The following AKT3 variants were observed in gnomAD, a reference collection of about 807,000 sequenced individuals.
The protein encoded by AKT3 is AKT serine/threonine kinase 3.
AKT3 carries 15 observed loss-of-function variants against 65.3 expected under a neutral mutation model. The observed-to-expected ratio is 0.23, with a 90% CI of 0.15 to 0.35. AKT3 has a LOEUF of 0.35. AKT3 is among the 10% of genes least tolerant of loss of function. The pLI is 1.00. For missense variants in AKT3, 243 were observed against 576.5 expected (o/e 0.42, Z 5.92); for synonymous variants, 206 against 183.8 (o/e 1.12, Z -0.98).
intron 8 of AKT3, among the ~76,000 whole-genome samples, chr1:243,574,203 T>C (rs1674772176): frequency 6.6e-6 from 1 of 152,138 alleles, no homozygotes; most frequent in Admixed American, 6.6e-5. Context: ...AAAGTCATTA[T>C]TTCAAGTAAC....
At chr1:243,628,117 C>T (rs1394600688) in intron 6 of AKT3, among the ~76,000 whole-genome samples, 3 of 152,116 alleles carry the variant, frequency 2.0e-5, no homozygotes, top group South Asian at 4.1e-4. Flanking sequence ...TTGGTTTGCT[C>T]CCGGGCATTA....
intron 2 of AKT3, among the ~76,000 whole-genome samples, chr1:243,768,040 T>G (rs2148267218): frequency 6.6e-6 from 1 of 151,922 alleles, no homozygotes; most frequent in South Asian, 2.1e-4. Context: ...AATTTAGTTC[T>G]GGCTTCAAGA....
intron 4 of AKT3, among the ~76,000 whole-genome samples, chr1:243,658,864 C>CAAAAA (rs58117921): frequency 4.8e-5 from 4 of 82,880 alleles, no homozygotes; most frequent in Non-Finnish European, 4.8e-5. Context: ...CTTGTCTCTA[C>CAAAAA]AAAAAAAAAA....
At chr1:243,688,276 T>C (rs1160221776) in intron 3 of AKT3, among the ~76,000 whole-genome samples, 2 of 151,646 alleles carry the variant, frequency 1.3e-5, no homozygotes, top group African/African-American at 2.4e-5. Context: ...AATATAGCAA[T>C]GTATGTCAAA....
At chr1:243,701,035 A>T (rs1055635933) in intron 2 of AKT3, among the ~76,000 whole-genome samples, 3 of 152,204 alleles carry the variant, frequency 2.0e-5, no homozygotes, top group African/African-American at 7.2e-5. Context: ...TAGTCCATAT[A>T]TAAACATTTT....
chr1:243,754,562 G>C (rs1394284524), intron 2 of AKT3, among the ~76,000 whole-genome samples: 2 of 152,162 alleles, frequency 1.3e-5, no homozygotes, highest in African/African-American at 4.8e-5. Context: ...CGCAGCAAGA[G>C]GTGAGCAGCA....
chr1:243,738,621 T>C (rs1479552697), intron 2 of AKT3, among the ~76,000 whole-genome samples: 2 of 152,150 alleles, frequency 1.3e-5, no homozygotes, highest in Non-Finnish European at 2.9e-5. Flanking sequence ...AAAGTATACA[T>C]AAATGTCTCC....
rs374061404 is a variant in AKT3, at chr1:243,641,204, C to A, written c.430-3462G>T. ...AGTTTGCAGATGGCCTATTGTGGAA[C>A]CTTGTGATCGTGTGTTTAATACTCC... On this transcript the variant is annotated intron_variant, in intron 5 of 13. Transcript: ENST00000673466. Among the ~76,000 whole-genome samples, 8 of 149,666 alleles carry A rather than the reference C, an allele frequency of 5.3e-5. No homozygotes were observed. The East Asian group carries it at 1.4e-3, about 26-fold the overall frequency.
intron 2 of AKT3, among the ~76,000 whole-genome samples, chr1:243,757,864 G>A (rs1219695363): frequency 2.0e-5 from 3 of 151,642 alleles, no homozygotes; most frequent in Non-Finnish European, 4.4e-5. Flanking sequence ...AGGTTCAAGC[G>A]ATTCTGGTGC....
At chr1:243,525,685 G>T (rs181147081) in intron 12 of AKT3, among the ~76,000 whole-genome samples, 1 of 136,188 alleles carries the variant, frequency 7.3e-6, no homozygotes, top group Non-Finnish European at 1.5e-5. Flanking sequence ...TACCAGCAGA[G>T]ATTATTATCC....
intron 2 of AKT3, among the ~76,000 whole-genome samples, chr1:243,746,187 A>G (rs781324456): frequency 1.3e-5 from 2 of 151,822 alleles, no homozygotes; most frequent in Non-Finnish European, 2.9e-5. Flanking sequence ...ATTTTCTAAC[A>G]TGTTTGTCTC....
At chr1:243,691,594 A>T (rs1684695705) in intron 3 of AKT3, among the ~76,000 whole-genome samples, 1 of 151,982 alleles carries the variant, frequency 6.6e-6, no homozygotes, top group Non-Finnish European at 1.5e-5. Context: ...ATGGATTGGG[A>T]GTGGGGTAAA....
chr1:243,613,361 G>C (rs952623733), intron 8 of AKT3, among the ~76,000 whole-genome samples: 2 of 151,742 alleles, frequency 1.3e-5, no homozygotes, highest in Non-Finnish European at 2.9e-5. Context: ...AATAAATCTT[G>C]TATTTCTGGT....
chr1:243,515,966 G>A (rs1670325880), intron 12 of AKT3, among the ~76,000 whole-genome samples: 1 of 144,646 alleles, frequency 6.9e-6, no homozygotes. Context: ...GACGGAGCAA[G>A]ACTCCATCTC....
intron 8 of AKT3, among the ~76,000 whole-genome samples, chr1:243,609,366 G>GTGTGTGTGTGTA (rs1677693561): frequency 7.1e-6 from 1 of 141,620 alleles, no homozygotes; most frequent in Non-Finnish European, 1.6e-5. Flanking sequence ...GTGTGTGTGT[G>GTGTGTGTGTGTA]TACCAACACT....
chr1:243,799,462 G>A (rs1316169304), intron 2 of AKT3, among the ~76,000 whole-genome samples: 2 of 152,150 alleles, frequency 1.3e-5, no homozygotes, highest in Non-Finnish European at 2.9e-5. Flanking sequence ...AGTTACAGTT[G>A]CTGACTCATT....
intron 6 of AKT3, among the ~76,000 whole-genome samples, chr1:243,632,985 T>C (rs1033833161): frequency 3.3e-5 from 5 of 152,202 alleles, no homozygotes; most frequent in Admixed American, 6.5e-5. Flanking sequence ...CTCGAACTTT[T>C]TCCATATTAG....
intron 8 of AKT3, among the ~76,000 whole-genome samples, chr1:243,578,216 C>G (rs1464190408): frequency 2.0e-5 from 3 of 152,142 alleles, no homozygotes; most frequent in African/African-American, 7.2e-5. Context: ...AATCATTCTA[C>G]TACAAAGATA....
rs567399424 is a variant in AKT3 at position 243,606,879 on chromosome 1, T to A, written c.696+6792A>T. Among the ~76,000 whole-genome samples the A allele has an allele frequency of 3.3e-5, 5 of 152,378 alleles. No individual in the cohort carries two copies. The East Asian group carries it at 9.6e-4, about 29-fold the overall frequency. ...GGGACATGGTGCCCTGCATCCCAAC[T>A]GCTTCAGTCCCAGCTGTGGCTAAAA... On this transcript the variant is annotated intron_variant, in intron 8 of 13. Transcript: ENST00000673466.
Sources: gnomAD v4.1 joint callset for allele counts (sites outside exome capture counted in the v4.1 genomes callset) on GRCh38, gnomAD v4.1.1 for gene constraint, MANE v1.5 for transcripts, NCBI Gene and HGNC (gene_info 2026-07-23, HGNC 2026-07-21) for gene names.